Variants in ROBO1 observed in about 807,000 individuals in gnomAD.
ROBO1 encodes roundabout guidance receptor 1.
A neutral mutation model predicts 195.9 loss-of-function variants in ROBO1; 149 were observed. The observed-to-expected ratio is 0.76, with a 90% CI of 0.67 to 0.87. The LOEUF (loss-of-function observed/expected upper bound fraction) is 0.87, where lower values mean the gene tolerates loss of function less well. Among genes scored for constraint, ROBO1 ranks in the 40% least tolerant of loss-of-function variants. ROBO1 has a pLI of 0.00. For synonymous variants in ROBO1, 816 were observed against 733.2 expected (o/e 1.11, Z -1.82); for missense variants, 1,933 against 2,068.3 (o/e 0.93, Z 1.27).
At chr3:79,711,771 A>G (rs1220957889) in intron 1 of ROBO1, among the ~76,000 whole-genome samples, 1 of 152,118 alleles carries the variant, frequency 6.6e-6, no homozygotes, top group African/African-American at 2.4e-5. Context: ...GAGCAAGTCT[A>G]TGGATGTCAT....
intron 2 of ROBO1, among the ~76,000 whole-genome samples, chr3:79,207,638 T>G (rs2108794009): frequency 6.6e-6 from 1 of 152,264 alleles, no homozygotes; most frequent in East Asian, 1.9e-4. Flanking sequence ...CCCTCTATTT[T>G]TTTGTTATAA....
At chr3:79,098,376 T>C (rs192396554) in intron 3 of ROBO1, among the ~76,000 whole-genome samples, 2 of 151,916 alleles carry the variant, frequency 1.3e-5, no homozygotes, top group East Asian at 3.9e-4. Context: ...CAATCCTGGG[T>C]TCTCATTGCC....
intron 3 of ROBO1, among the ~76,000 whole-genome samples, chr3:79,055,294 C>T (rs2078783929): frequency 6.6e-6 from 1 of 152,094 alleles, no homozygotes; most frequent in Non-Finnish European, 1.5e-5. Context: ...GGAGATAAGA[C>T]ACGTGGCCCT....
At chr3:79,282,356 A>G (rs2031579854) in intron 2 of ROBO1, among the ~76,000 whole-genome samples, 1 of 152,194 alleles carries the variant, frequency 6.6e-6, no homozygotes, top group Admixed American at 6.5e-5. Context: ...ACATTTTTTG[A>G]GCATCTAATG....
chr3:78,656,490 A>G (rs1707028467), intron 18 of ROBO1, among the ~76,000 whole-genome samples: 1 of 151,782 alleles, frequency 6.6e-6, no homozygotes, highest in Non-Finnish European at 1.5e-5. Flanking sequence ...AGCTGGGACT[A>G]CAGGCGCCCG....
intron 2 of ROBO1, among the ~76,000 whole-genome samples, chr3:79,417,576 G>A (rs1281711705): frequency 6.6e-6 from 1 of 152,198 alleles, no homozygotes; most frequent in African/African-American, 2.4e-5. Context: ...AACTGCTATA[G>A]TCTGGATCAC....
intron 2 of ROBO1, among the ~76,000 whole-genome samples, chr3:79,488,508 G>C (rs1410306301): frequency 6.6e-6 from 1 of 152,114 alleles, no homozygotes. Context: ...AATGCCATAT[G>C]TCATAATTTC....
intron 1 of ROBO1, among the ~76,000 whole-genome samples, chr3:79,653,506 G>A (rs183802633): frequency 6.6e-5 from 10 of 151,962 alleles, no homozygotes; most frequent in Admixed American, 1.3e-4. Context: ...GATGTAAATG[G>A]TCATTGTACA....
chr3:79,024,923 G>A (rs2078174960), intron 3 of ROBO1, among the ~76,000 whole-genome samples: 1 of 152,116 alleles, frequency 6.6e-6, no homozygotes, highest in South Asian at 2.1e-4. Flanking sequence ...AGCAGTCAGA[G>A]GGATCTTGTT....
At chr3:78,661,921 TAC>T (rs1256756945) in intron 15 of ROBO1, 70 bp downstream of exon 15, 1 of 1,502,054 alleles carries the variant, frequency 6.7e-7, no homozygotes, top group African/African-American at 1.4e-5. Flanking sequence ...AACAGATAGT[TAC>T]ATTTTATATG....
chr3:79,574,149 G>A (rs1351233585), intron 2 of ROBO1, among the ~76,000 whole-genome samples: 3 of 151,998 alleles, frequency 2.0e-5, no homozygotes, highest in Non-Finnish European at 4.4e-5. Context: ...AATTTTTCAA[G>A]TAATATGATA....
chr3:79,191,186 A>C (rs752865491), intron 2 of ROBO1, among the ~76,000 whole-genome samples: 20 of 151,488 alleles, frequency 1.3e-4, no homozygotes, highest in Non-Finnish European at 2.4e-4. Flanking sequence ...TTTCCTGAAA[A>C]ATTGTTTGCC....
intron 2 of ROBO1, among the ~76,000 whole-genome samples, chr3:79,408,356 ATTTATC>A (rs1221711752): frequency 6.6e-6 from 1 of 152,006 alleles, no homozygotes; most frequent in Non-Finnish European, 1.5e-5. Context: ...TTTTAATTGA[ATTTATC>A]TTTATATATT....
chr3:79,686,156 GA>G (rs1187948129), intron 1 of ROBO1, among the ~76,000 whole-genome samples: 1 of 152,138 alleles, frequency 6.6e-6, no homozygotes, highest in Non-Finnish European at 1.5e-5. Flanking sequence ...AAAAGCCTTT[GA>G]CAAAATTCAA....
chr3:79,390,324 C>T (rs2036900641), intron 2 of ROBO1, among the ~76,000 whole-genome samples: 1 of 151,784 alleles, frequency 6.6e-6, no homozygotes, highest in South Asian at 2.1e-4. Context: ...AAATCCAGAG[C>T]TAGGGATATA....
chr3:78,826,516 A>G (rs2031619167), intron 4 of ROBO1, among the ~76,000 whole-genome samples: 1 of 152,202 alleles, frequency 6.6e-6, no homozygotes, highest in South Asian at 2.1e-4. Context: ...GCATTTGCTT[A>G]GTGTACAAGG....
At chr3:79,319,231 G>A (rs1473715580) in intron 2 of ROBO1, among the ~76,000 whole-genome samples, 1 of 152,096 alleles carries the variant, frequency 6.6e-6, no homozygotes, top group African/African-American at 2.4e-5. Flanking sequence ...GGGTTTAATA[G>A]GCTCATGTAG....
At chr3:78,694,201 T>C (rs2081238082) in intron 8 of ROBO1, among the ~76,000 whole-genome samples, 1 of 152,174 alleles carries the variant, frequency 6.6e-6, no homozygotes, top group African/African-American at 2.4e-5. Flanking sequence ...ATACTAGAAA[T>C]GGTTATTTCA....
intron 4 of ROBO1, among the ~76,000 whole-genome samples, chr3:78,853,803 G>A (rs1290316573): frequency 6.6e-6 from 1 of 152,050 alleles, no homozygotes; most frequent in East Asian, 1.9e-4. Flanking sequence ...CACAATGATA[G>A]CGGAAGGCAA....
Sources: allele counts gnomAD v4.1 joint callset (sites outside exome capture counted in the v4.1 genomes callset), GRCh38; gene constraint gnomAD v4.1.1; transcripts MANE v1.5; gene names NCBI Gene and HGNC (gene_info 2026-07-23, HGNC 2026-07-21).